The following CLDN14 variants were observed in gnomAD, a reference collection of about 807,000 sequenced individuals.
CLDN14 encodes claudin 14.
Under a neutral mutation model 2.1 loss-of-function variants are expected in CLDN14, and 2 were observed. The observed-to-expected ratio is 0.96, with a 90% CI of 0.39 to 3.01. CLDN14 has a LOEUF of 3.01. CLDN14 is among the 30% of genes most tolerant of loss of function. The pLI is 0.09. For missense variants in CLDN14, 298 were observed against 328.0 expected (o/e 0.91, Z 0.71); for synonymous variants, 136 against 154.4 (o/e 0.88, Z 0.88).
chr21:36,460,999 A>T lies in CLDN14; in HGVS notation c.697T>A (p.Tyr233Asn), dbSNP rs1283309727. The change falls in exon 2 of 2, where the codon TAC becomes AAC. Residue 233 changes from tyrosine to asparagine, a missense_variant. Physicochemically the swap from Tyr to Asn is moderately radical, Grantham distance 143. Coordinates refer to ENST00000399135, the MANE Select transcript of CLDN14 (RefSeq NM_001146079.2). The surrounding 1 kb of genome is among the most constrained non-coding windows in gnomAD (Gnocchi z 4.0). ...PSVTSATHSG[Y>N]RLNDYV ...ACTCACACGTAGTCGTTCAGCCTGT[A>T]CCCGCTGTGCGTGGCCGAGGTCACT... The T allele has an allele frequency of 1.2e-6, 2 of 1,612,956 alleles. No homozygotes were observed. The highest frequency in any genetic ancestry group is 3.3e-5 in the Admixed American group (2 of 60,024).
intron 1 of CLDN14, among the ~76,000 whole-genome samples, chr21:36,538,831 C>T (rs547389809): frequency 6.6e-6 from 1 of 152,136 alleles, no homozygotes; most frequent in Non-Finnish European, 1.5e-5. Flanking sequence ...CTTCCTAACT[C>T]TTCAGAGATC....
In CLDN14 at chr21:36,460,879, C is replaced by G. The variant is rs1457996138; in HGVS notation, c.*97G>C. On this transcript the variant is annotated 3_prime_UTR_variant, in exon 2 of 2. Coordinates refer to ENST00000399135, the MANE Select transcript of CLDN14 (RefSeq NM_001146079.2). This position sits in a 1 kb window ranked among gnomAD's most constrained non-coding sequence, Gnocchi z 4.0. Reference sequence around the variant, plus strand: ...TTATTTCCTTGGATACAAAAATTGCCCAGAAGTAAACTTTGTGCTGGAACC... The same window carrying G: ...TTATTTCCTTGGATACAAAAATTGCGCAGAAGTAAACTTTGTGCTGGAACC... 6.9e-7 allele frequency: 1 copy of G among 1,442,976 alleles called. No individual in the cohort carries two copies. The highest frequency in any genetic ancestry group is 2.4e-4 in the Middle Eastern group (1 of 4,138). The allele number at this position is 1,442,976 out of a possible 1,614,324, so 89.4% of individuals were successfully genotyped here. A position where few individuals can be genotyped will look rare whatever the true frequency, so the allele number is the denominator to read the frequency against.
chr21:36,492,949 T>G (rs1255720400), intron 2 of CLDN14, among the ~76,000 whole-genome samples: 1 of 152,200 alleles, frequency 6.6e-6, no homozygotes, highest in Non-Finnish European at 1.5e-5. Context: ...AGTCCCCCTC[T>G]CTGCCTGGGA....
chr21:36,485,897 G>T, intron 2 of CLDN14: 6 of 679,836 alleles, frequency 8.8e-6, no homozygotes, highest in South Asian at 2.3e-5. Flanking sequence ...AGGCTGTAAT[G>T]GTTACAGATA....
In CLDN14 at chr21:36,501,332, CTTTTTTTTTTTTTTTTTTT is replaced by C. The variant is rs58458004; in HGVS notation, c.-82+9012_-82+9030del. ...AATGGGAGTTTCAGTCAATATCTCA[CTTTTTTTTTTTTTTTTTTT>C]TTTTTTTTTTTTTTTTTAGAAAAGT... On this transcript the variant is annotated intron_variant, in intron 2 of 2. Coordinates refer to the CLDN14 transcript ENST00000342108. 4.3e-4 allele frequency among the ~76,000 whole-genome samples: 21 copies of C among 48,448 alleles called. 1 individual carries two copies. Among genetic ancestry groups the C allele is most frequent in the Middle Eastern group, 0.02 (1 of 50 alleles). 31.8% of individuals were successfully genotyped at this position (48,448 alleles called of 152,430 possible). A position where few individuals can be genotyped will look rare whatever the true frequency, so the allele number is the denominator to read the frequency against.
intron 1 of CLDN14, among the ~76,000 whole-genome samples, chr21:36,533,405 C>T (rs889189677): frequency 5.3e-5 from 8 of 152,216 alleles, no homozygotes; most frequent in Non-Finnish European, 8.8e-5. Flanking sequence ...AGGCCAAATA[C>T]TCCATGTGCC....
intron 1 of CLDN14, among the ~76,000 whole-genome samples, chr21:36,515,739 TACAC>T (rs892820230): frequency 2.0e-5 from 3 of 148,336 alleles, no homozygotes; most frequent in African/African-American, 7.4e-5. Flanking sequence ...GTACTAAAAA[TACAC>T]ACACGGCCCA....
intron 1 of CLDN14, among the ~76,000 whole-genome samples, chr21:36,513,457 G>C (rs1348195624): frequency 6.6e-6 from 1 of 152,200 alleles, no homozygotes; most frequent in East Asian, 1.9e-4. Flanking sequence ...CCCTGGAGCT[G>C]TCCTAGCTCA....
At chr21:36,476,934 C>T (rs2086786781) in intron 1 of CLDN14, among the ~76,000 whole-genome samples, 1 of 152,184 alleles carries the variant, frequency 6.6e-6, no homozygotes, top group Non-Finnish European at 1.5e-5. Context: ...AAGCAAAGGC[C>T]TTGCAGCTAA....
intron 1 of CLDN14, among the ~76,000 whole-genome samples, chr21:36,533,824 A>G (rs974121203): frequency 1.3e-5 from 2 of 152,174 alleles, no homozygotes; most frequent in Admixed American, 6.5e-5. Context: ...GGAACCACAC[A>G]CACTGGGGCC....
intron 1 of CLDN14, among the ~76,000 whole-genome samples, chr21:36,569,331 G>T (rs992552695): frequency 1.3e-5 from 2 of 151,856 alleles, no homozygotes; most frequent in African/African-American, 4.8e-5. Context: ...CAGAAGAATC[G>T]CTTGAACCCG....
intron 1 of CLDN14, among the ~76,000 whole-genome samples, chr21:36,563,685 G>C (rs988802911): frequency 2.0e-5 from 3 of 152,186 alleles, no homozygotes; most frequent in Non-Finnish European, 2.9e-5. Flanking sequence ...CTCCCATGGA[G>C]GTTCGGAGAC....
At chr21:36,512,705 C>A (rs2087195747) in intron 1 of CLDN14, among the ~76,000 whole-genome samples, 1 of 152,088 alleles carries the variant, frequency 6.6e-6, no homozygotes, top group South Asian at 2.1e-4. Flanking sequence ...GTGAACATAT[C>A]TGTGTATGCC....
intron 1 of CLDN14, among the ~76,000 whole-genome samples, chr21:36,476,159 G>A (rs1006603847): frequency 6.6e-6 from 1 of 152,082 alleles, no homozygotes; most frequent in Non-Finnish European, 1.5e-5. Flanking sequence ...CTACCCATAA[G>A]GCTAGGCTCT....
At chr21:36,523,014 C>A (rs2087283708) in intron 1 of CLDN14, among the ~76,000 whole-genome samples, 1 of 152,078 alleles carries the variant, frequency 6.6e-6, no homozygotes, top group South Asian at 2.1e-4. Flanking sequence ...GAGGCTGAAC[C>A]CAAGACCAAC....
rs527363387 is a variant in CLDN14 at position 36,460,742 on chromosome 21, A to G, written c.*234T>C. The stretch of plus-strand genomic sequence containing the variant: ...AATCACCCACATAAATATATATAAT[A>G]AATACAAAAACAGACAGGATTTTTT... On this transcript the variant is annotated 3_prime_UTR_variant, in exon 2 of 2. Transcript: ENST00000399135. The surrounding 1 kb of genome is among the most constrained non-coding windows in gnomAD (Gnocchi z 4.0). The G allele has an allele frequency of 7.0e-5, 37 of 530,376 alleles. No individual in the cohort carries two copies. The highest frequency in any genetic ancestry group is 5.0e-4 in the Middle Eastern group (1 of 1,992). The allele number at this position is 530,376 out of a possible 1,614,324, so 32.9% of individuals were successfully genotyped here.
chr21:36,565,946 A>C (rs140083046), intron 1 of CLDN14, among the ~76,000 whole-genome samples: 218 of 152,292 alleles, frequency 1.4e-3, no homozygotes, highest in Middle Eastern at 3.4e-3. Context: ...TACTTTCTAT[A>C]AATCTTTTGT....
chr21:36,460,639 C>A lies in CLDN14; in HGVS notation c.*337G>T. 3.6e-6 allele frequency: 1 copy of A among 278,722 alleles called. No individual in the cohort carries two copies. Among genetic ancestry groups the A allele is most frequent in the Non-Finnish European group, 7.0e-6 (1 of 143,552 alleles). The allele number at this position is 278,722 out of a possible 1,614,324, so 17.3% of individuals were successfully genotyped here. A position where few individuals can be genotyped will look rare whatever the true frequency, so the allele number is the denominator to read the frequency against. ...CTGTCCATTTCATAAACAGCCACAT[C>A]CGCAAGGTTTATTCCTGGATCACAA... is the stretch of plus-strand genomic sequence containing the variant. On this transcript the variant is annotated 3_prime_UTR_variant, in exon 2 of 2. Transcript: ENST00000399135. The surrounding 1 kb of genome is among the most constrained non-coding windows in gnomAD (Gnocchi z 4.0).
At chr21:36,480,182 G>A (rs1009553726), upstream of CLDN14, 13 of 152,284 alleles carry the variant, frequency 8.5e-5, no homozygotes, top group African/African-American at 2.4e-5. Context: ...CATGCTGGTC[G>A]ATTCTGATCA....
Sources: allele counts gnomAD v4.1 joint callset (sites outside exome capture counted in the v4.1 genomes callset), GRCh38; gene constraint gnomAD v4.1.1; non-coding constraint Gnocchi (gnomAD v3.1); transcripts MANE v1.5; gene names NCBI Gene and HGNC (gene_info 2026-07-23, HGNC 2026-07-21).